Variants in SOX5 observed in about 807,000 individuals in gnomAD.
SOX5 encodes SRY-box transcription factor 5.
A neutral mutation model predicts 92.0 loss-of-function variants in SOX5; 9 were observed. The ratio of observed to expected loss-of-function variants is 0.10; its 90% CI spans 0.06 to 0.17. SOX5 has a LOEUF of 0.17. SOX5 is among the 10% of genes least tolerant of loss of function. The probability of loss-of-function intolerance (pLI) is 1.00; values close to 1 mark genes in which losing one functional copy is unlikely to be tolerated. For missense variants in SOX5, 642 were observed against 944.5 expected, an observed-to-expected ratio of 0.68 and a Z score of 4.20; for synonymous variants, 344 against 336.3, an observed-to-expected ratio of 1.02 and a Z score of -0.25.
chr12:23,639,754 T>C (rs901373764), intron 8 of SOX5, among the ~76,000 whole-genome samples: 1 of 152,230 alleles, frequency 6.6e-6, no homozygotes, highest in African/African-American at 2.4e-5. Flanking sequence ...TAGTTCCTCC[T>C]GGGAAACTCA....
chr12:24,210,994 T>C (rs1187836200), intron 4 of SOX5, among the ~76,000 whole-genome samples: 1 of 152,202 alleles, frequency 6.6e-6, no homozygotes, highest in Non-Finnish European at 1.5e-5. Flanking sequence ...TCCCTCAGAA[T>C]AATAGTCAAG....
At chr12:23,974,244 A>G (rs1383198625) in intron 4 of SOX5, among the ~76,000 whole-genome samples, 1 of 152,148 alleles carries the variant, frequency 6.6e-6, no homozygotes, top group Non-Finnish European at 1.5e-5. Flanking sequence ...TACAGTTACT[A>G]TGTTTTCTTT....
intron 2 of SOX5, among the ~76,000 whole-genome samples, chr12:23,874,855 T>C (rs912711026): frequency 6.6e-6 from 1 of 152,208 alleles, no homozygotes. Flanking sequence ...CGATATCCTG[T>C]ATCCATACTG....
intron 3 of SOX5, among the ~76,000 whole-genome samples, chr12:24,251,535 T>G (rs1940036529): frequency 6.6e-6 from 1 of 151,960 alleles, no homozygotes. Flanking sequence ...TGAGGAGATA[T>G]CCTTGTCCTA....
intron 1 of SOX5, among the ~76,000 whole-genome samples, chr12:24,438,056 G>T (rs947451433): frequency 2.6e-5 from 4 of 152,178 alleles, no homozygotes; most frequent in Admixed American, 6.5e-5. Context: ...TGACAGACTG[G>T]ATAAAGAAAA....
upstream of SOX5, among the ~76,000 whole-genome samples, chr12:23,955,909 A>C (rs1473728087): frequency 6.6e-6 from 1 of 152,238 alleles, no homozygotes. Flanking sequence ...AGGTAGCAGC[A>C]AAGTGAAAAG....
At chr12:23,658,197 T>G (rs2082558971) in intron 7 of SOX5, among the ~76,000 whole-genome samples, 1 of 152,210 alleles carries the variant, frequency 6.6e-6, no homozygotes. Context: ...ATACTGTGAT[T>G]GCCACAACAA....
At chr12:24,114,389 C>T (rs1159228955) in intron 4 of SOX5, among the ~76,000 whole-genome samples, 1 of 151,564 alleles carries the variant, frequency 6.6e-6, no homozygotes, top group Non-Finnish European at 1.5e-5. Context: ...CCAGCCTGGA[C>T]AACATGGTGA....
chr12:24,158,773 C>T (rs1244914466), intron 4 of SOX5, among the ~76,000 whole-genome samples: 4 of 151,860 alleles, frequency 2.6e-5, no homozygotes, highest in African/African-American at 9.7e-5. Flanking sequence ...TTTTGAGCCC[C>T]TTGCTCTCTA....
chr12:23,948,970 G>A (rs1945079401), intron 1 of SOX5, among the ~76,000 whole-genome samples: 1 of 152,004 alleles, frequency 6.6e-6, no homozygotes, highest in African/African-American at 2.4e-5. Context: ...TCCCCTTTTC[G>A]CCCCTATTTT....
intron 3 of SOX5, among the ~76,000 whole-genome samples, chr12:23,760,511 C>A (rs2094532750): frequency 6.6e-6 from 1 of 152,056 alleles, no homozygotes; most frequent in South Asian, 2.1e-4. Context: ...GCCAACAGGA[C>A]CCTTCTGATA....
intron 6 of SOX5, among the ~76,000 whole-genome samples, chr12:23,676,493 C>T (rs16926575): frequency 0.068 from 10,333 of 152,164 alleles, 1,087 homozygotes; most frequent in African/African-American, 0.22. Flanking sequence ...GCAAAATACA[C>T]TCATTCATTG....
intron 9 of SOX5, among the ~76,000 whole-genome samples, chr12:23,598,837 G>A (rs186528997): frequency 1.3e-5 from 2 of 151,992 alleles, no homozygotes; most frequent in African/African-American, 4.8e-5. Context: ...TCCCCACTTG[G>A]CATTATAAAA....
At chr12:23,826,996 C>G (rs1023030595) in intron 3 of SOX5, among the ~76,000 whole-genome samples, 1 of 152,322 alleles carries the variant, frequency 6.6e-6, no homozygotes, top group East Asian at 1.9e-4. Flanking sequence ...TTGTGTGCTT[C>G]TGCAGCTACT....
chr12:24,322,445 TATGACAGAAG>T (rs1565902469), intron 2 of SOX5, among the ~76,000 whole-genome samples: 1 of 152,158 alleles, frequency 6.6e-6, no homozygotes, highest in Non-Finnish European at 1.5e-5. Flanking sequence ...GAGCAATTGT[TATGACAGAAG>T]ATGACGGAAA....
At chr12:23,646,080 T>C (rs1258352307) in intron 7 of SOX5, among the ~76,000 whole-genome samples, 1 of 152,242 alleles carries the variant, frequency 6.6e-6, no homozygotes, top group Non-Finnish European at 1.5e-5. Context: ...ATCTTTTTGC[T>C]GCTTAAAGGT....
At chr12:24,465,311 G>A (rs1409436838) in intron 1 of SOX5, among the ~76,000 whole-genome samples, 4 of 152,136 alleles carry the variant, frequency 2.6e-5, no homozygotes, top group African/African-American at 9.7e-5. Flanking sequence ...TCATAATAGC[G>A]AACATTTACT....
intron 1 of SOX5, among the ~76,000 whole-genome samples, chr12:24,436,642 C>T (rs1291341140): frequency 6.6e-6 from 1 of 152,030 alleles, no homozygotes; most frequent in Non-Finnish European, 1.5e-5. Flanking sequence ...AGCAAAATAT[C>T]CAGAAGATCT....
At chr12:24,191,982 G>A (rs1956572463) in intron 4 of SOX5, among the ~76,000 whole-genome samples, 1 of 152,204 alleles carries the variant, frequency 6.6e-6, no homozygotes, top group Non-Finnish European at 1.5e-5. Context: ...AGGATTATAT[G>A]TAAAACCAAT....
Sources: allele counts gnomAD v4.1 joint callset (sites outside exome capture counted in the v4.1 genomes callset), GRCh38; gene constraint gnomAD v4.1.1; transcripts MANE v1.5; gene names NCBI Gene and HGNC (gene_info 2026-07-23, HGNC 2026-07-21).